Variants in SPECC1 observed in about 807,000 individuals in gnomAD.
The protein encoded by SPECC1 is cytospin-B.
A neutral mutation model predicts 104.1 loss-of-function variants in SPECC1; 62 were observed. The ratio of observed to expected loss-of-function variants is 0.60; its 90% CI spans 0.49 to 0.74. SPECC1 has a LOEUF of 0.74. Among genes scored for constraint, SPECC1 ranks in the 30% least tolerant of loss-of-function variants. SPECC1 has a pLI of 0.00. For missense variants in SPECC1, 1,306 were observed against 1,310.5 expected (o/e 1.00, Z 0.05); for synonymous variants, 513 against 501.6 (o/e 1.02, Z -0.30).
At chr17:20,074,943 C>T (rs2046699298) in intron 1 of SPECC1, among the ~76,000 whole-genome samples, 1 of 152,140 alleles carries the variant, frequency 6.6e-6, no homozygotes, top group African/African-American at 2.4e-5. Flanking sequence ...GCTGTTGTCA[C>T]CCAGGCTGGA....
At chr17:20,168,977 A>G (rs569407148) in intron 3 of SPECC1, among the ~76,000 whole-genome samples, 23 of 152,214 alleles carry the variant, frequency 1.5e-4, no homozygotes, top group African/African-American at 5.3e-4. Flanking sequence ...GGCCCAGGCA[A>G]TCCTTCCACC....
intron 7 of SPECC1, chr17:20,239,232 T>C (rs1426615459): frequency 5.4e-5 from 55 of 1,016,320 alleles, no homozygotes; most frequent in Non-Finnish European, 6.1e-5. Flanking sequence ...ATTGGATTTT[T>C]TCTTAATTAT....
intron 12 of SPECC1, among the ~76,000 whole-genome samples, chr17:20,290,655 C>T (rs1450734325): frequency 6.6e-6 from 1 of 152,168 alleles, no homozygotes; most frequent in Non-Finnish European, 1.5e-5. Flanking sequence ...GCTGGGATTA[C>T]AGGCACACAC....
intron 4 of SPECC1, among the ~76,000 whole-genome samples, chr17:20,216,997 GA>G (rs772292853): frequency 8.0e-5 from 12 of 150,342 alleles, no homozygotes; most frequent in African/African-American, 2.9e-4. Context: ...TTAAAAAAAA[GA>G]AAAAAAAATC....
intron 1 of SPECC1, among the ~76,000 whole-genome samples, chr17:20,093,575 A>G (rs2047498466): frequency 6.6e-6 from 1 of 152,012 alleles, no homozygotes; most frequent in South Asian, 2.1e-4. Flanking sequence ...GACGGGAGGG[A>G]TGTAGAAGTG....
chr17:20,196,473 G>A (rs1267545210), intron 3 of SPECC1, among the ~76,000 whole-genome samples: 1 of 150,922 alleles, frequency 6.6e-6, no homozygotes, highest in Non-Finnish European at 1.5e-5. Flanking sequence ...AAGAGTCATA[G>A]TGGCATTTTA....
intron 1 of SPECC1, among the ~76,000 whole-genome samples, chr17:20,016,039 C>G (rs537337385): frequency 8.0e-5 from 12 of 149,848 alleles, no homozygotes; most frequent in African/African-American, 2.9e-4. Flanking sequence ...TGAAACTCCG[C>G]TTCTACTAAA....
At chr17:20,021,591 G>A (rs1186304033) in intron 1 of SPECC1, among the ~76,000 whole-genome samples, 1 of 150,836 alleles carries the variant, frequency 6.6e-6, no homozygotes, top group Non-Finnish European at 1.5e-5. Context: ...ACCAAGTACT[G>A]CCAGATTGCT....
chr17:20,247,111 C>T (rs1265208592), intron 8 of SPECC1, 108 bp from the exon 9 acceptor site: 5 of 742,636 alleles, frequency 6.7e-6, no homozygotes, highest in African/African-American at 5.3e-5. Context: ...TTACACTAAA[C>T]ACGGATACTC....
intron 7 of SPECC1, among the ~76,000 whole-genome samples, chr17:20,236,073 T>G (rs567083068): frequency 1.1e-4 from 17 of 152,176 alleles, no homozygotes; most frequent in African/African-American, 3.9e-4. Flanking sequence ...GGGGCGGAAG[T>G]TGGAGGTATA....
At chr17:20,090,220 C>T (rs918382529) in intron 1 of SPECC1, among the ~76,000 whole-genome samples, 4 of 152,188 alleles carry the variant, frequency 2.6e-5, no homozygotes, top group African/African-American at 7.2e-5. Flanking sequence ...CCAGCGCAGG[C>T]GACCGTAGAC....
intron 14 of SPECC1, among the ~76,000 whole-genome samples, chr17:20,312,033 G>C (rs565714180): frequency 6.6e-6 from 1 of 152,270 alleles, no homozygotes; most frequent in South Asian, 2.1e-4. Context: ...TACTTTTATA[G>C]GTTAATAGAT....
chr17:20,231,876 AC>A, intron 6 of SPECC1, 45 bp downstream of exon 6: 4 of 1,579,704 alleles, frequency 2.5e-6, no homozygotes, highest in Non-Finnish European at 2.6e-6. Flanking sequence ...CCTATGAATT[AC>A]CCGCTCCGAG....
chr17:20,206,119 G>A (rs373020535), intron 4 of SPECC1, among the ~76,000 whole-genome samples: 9 of 152,286 alleles, frequency 5.9e-5, no homozygotes, highest in East Asian at 3.9e-4. Context: ...GATTATGGGC[G>A]GTTCAAAATG....
At chr17:20,223,688 T>A (rs1040504849) in intron 4 of SPECC1, among the ~76,000 whole-genome samples, 3 of 151,536 alleles carry the variant, frequency 2.0e-5, no homozygotes, top group Non-Finnish European at 4.4e-5. Flanking sequence ...AAAAAAAAAA[T>A]TATTTCAATC....
chr17:20,316,177 T>A lies in SPECC1; in HGVS notation c.*2112T>A, dbSNP rs188303863. ...GCACTTGTTTGAAGCATTTTTTTTT[T>A]ATTAACCCTGTACTTCTTCTTTGCC... On this transcript the variant is annotated 3_prime_UTR_variant, in exon 15 of 15. Coordinates refer to ENST00000395527, the MANE Select transcript of SPECC1 (RefSeq NM_001243439.2). 2.4e-3 allele frequency: 561 copies of A among 231,006 alleles called. 1 individual carries two copies. Among genetic ancestry groups the A allele is most frequent in the African/African-American group, 7.9e-3 (360 of 45,326 alleles). The allele number at this position is 231,006 out of a possible 1,614,324, so 14.3% of individuals were successfully genotyped here.
At chr17:20,157,000 G>A (rs1441056784) in intron 3 of SPECC1, among the ~76,000 whole-genome samples, 1 of 152,158 alleles carries the variant, frequency 6.6e-6, no homozygotes, top group Non-Finnish European at 1.5e-5. Flanking sequence ...TGGGGGGCCG[G>A]TGACAGGTAT....
At chr17:20,156,106 A>G (rs2152571139) in intron 3 of SPECC1, 5 of 1,358,066 alleles carry the variant, frequency 3.7e-6, no homozygotes, top group African/African-American at 1.5e-5. Flanking sequence ...GCCGGACGCA[A>G]CCGCCTCGCC....
intron 1 of SPECC1, among the ~76,000 whole-genome samples, chr17:20,091,381 G>A (rs1804564602): frequency 6.6e-6 from 1 of 152,166 alleles, no homozygotes; most frequent in Non-Finnish European, 1.5e-5. Flanking sequence ...GGCTGGTCTA[G>A]GAGCCAGTGT....
Sources: gnomAD v4.1 joint callset for allele counts (sites outside exome capture counted in the v4.1 genomes callset) on GRCh38, gnomAD v4.1.1 for gene constraint, MANE v1.5 for transcripts, NCBI Gene and HGNC (gene_info 2026-07-23, HGNC 2026-07-21) for gene names.